Variants in LRP6 observed in about 807,000 individuals in gnomAD.
The protein encoded by LRP6 is LDL receptor related protein 6.
LRP6 carries 43 observed loss-of-function variants against 184.1 expected under a neutral mutation model. The observed-to-expected ratio is 0.23, with a 90% CI of 0.18 to 0.30. The LOEUF (loss-of-function observed/expected upper bound fraction) is 0.30. Ranked by LOEUF, LRP6 falls within the 10% of genes least tolerant of loss-of-function variation. The pLI, the probability that LRP6 is intolerant of heterozygous loss-of-function variation, is 1.00. For synonymous variants in LRP6, 719 were observed against 684.9 expected, an observed-to-expected ratio of 1.05 and a Z score of -0.78; for missense variants, 1,571 against 2,005.3, an observed-to-expected ratio of 0.78 and a Z score of 4.14.
intron 2 of LRP6, among the ~76,000 whole-genome samples, chr12:12,223,972 A>G (rs956556774): frequency 2.0e-5 from 3 of 152,172 alleles, no homozygotes; most frequent in Admixed American, 6.5e-5. Flanking sequence ...ATATGAAGCA[A>G]TATTATCAAC....
At chr12:12,142,087 T>C (rs1054878333) in intron 15 of LRP6, among the ~76,000 whole-genome samples, 7 of 152,182 alleles carry the variant, frequency 4.6e-5, no homozygotes, top group Admixed American at 1.3e-4. Flanking sequence ...AAGTTTATTT[T>C]AAAATAAGTG....
At chr12:12,234,531 A>G (rs758127267) in intron 2 of LRP6, among the ~76,000 whole-genome samples, 5 of 151,984 alleles carry the variant, frequency 3.3e-5, no homozygotes, top group Non-Finnish European at 7.4e-5. Flanking sequence ...AAAGAAGATT[A>G]TAAGAATATA....
intron 2 of LRP6, among the ~76,000 whole-genome samples, chr12:12,205,946 G>A (rs1864045975): frequency 6.6e-6 from 1 of 152,294 alleles, no homozygotes; most frequent in Admixed American, 6.5e-5. Flanking sequence ...GTATAAAATG[G>A]TGGTCCTATA....
In LRP6 at chr12:12,164,574, A is replaced by C. The variant is rs765694194; in HGVS notation, c.1763-12T>G. On this transcript the variant is annotated splice_polypyrimidine_tract_variant and intron_variant, in intron 8 of 22. Transcript: ENST00000261349. Reference sequence around the variant, plus strand: ...ACAGGGGTTGGAACCTAAAAGATTAATTATAAAAGGGGCACAGAAGGACAC... The same window carrying C: ...ACAGGGGTTGGAACCTAAAAGATTACTTATAAAAGGGGCACAGAAGGACAC... 3 of 1,613,806 alleles carry C rather than the reference A, an allele frequency of 1.9e-6. No homozygotes were observed. The highest frequency in any genetic ancestry group is 2.5e-6 in the Non-Finnish European group (3 of 1,179,778).
chr12:12,232,433 C>G (rs891320396), intron 2 of LRP6, among the ~76,000 whole-genome samples: 4 of 150,500 alleles, frequency 2.7e-5, no homozygotes, highest in African/African-American at 7.3e-5. Flanking sequence ...TTCCAGTGAA[C>G]TTGGCAAAAG....
intron 15 of LRP6, among the ~76,000 whole-genome samples, chr12:12,141,163 A>C (rs1057138149): frequency 6.6e-6 from 1 of 151,758 alleles, no homozygotes; most frequent in Non-Finnish European, 1.5e-5. Context: ...GGGGAAAAGA[A>C]GGGAATGATG....
At chr12:12,180,014 AG>A in intron 6 of LRP6, 33 bp from the exon 7 acceptor site, 5 of 1,561,092 alleles carry the variant, frequency 3.2e-6, no homozygotes, top group Non-Finnish European at 4.4e-6. Flanking sequence ...AGCTAAAAAT[AG>A]ATAATAAAAT....
chr12:12,202,757 G>T (rs1451278472), intron 3 of LRP6, among the ~76,000 whole-genome samples: 2 of 152,116 alleles, frequency 1.3e-5, no homozygotes, highest in Admixed American at 6.6e-5. Context: ...CAGGACTTGG[G>T]GCTTTACTGG....
At chr12:12,171,052 A>T (rs1217742206) in intron 7 of LRP6, among the ~76,000 whole-genome samples, 1 of 152,174 alleles carries the variant, frequency 6.6e-6, no homozygotes, top group Non-Finnish European at 1.5e-5. Context: ...GCTGCAGTCT[A>T]GATCAGCCAT....
intron 11 of LRP6, 133 bp from the exon 12 acceptor site, chr12:12,159,288 G>T: frequency 1.4e-6 from 1 of 702,216 alleles, no homozygotes; most frequent in South Asian, 1.7e-5. Flanking sequence ...ATTTAAAATA[G>T]AAAAATTCAT....
At chr12:12,198,460 T>C (rs1863825788) in intron 3 of LRP6, among the ~76,000 whole-genome samples, 1 of 151,828 alleles carries the variant, frequency 6.6e-6, no homozygotes, top group South Asian at 2.1e-4. Flanking sequence ...GTGTCCCTTC[T>C]AGTTTTCTTT....
chr12:12,171,497 G>T (rs1273149374), intron 7 of LRP6, among the ~76,000 whole-genome samples: 6 of 151,422 alleles, frequency 4.0e-5, no homozygotes, highest in African/African-American at 1.5e-4. Flanking sequence ...ACTCCAGCCT[G>T]GGCGACAGAG....
intron 22 of LRP6, among the ~76,000 whole-genome samples, chr12:12,124,259 G>A (rs949422064): frequency 2.0e-5 from 3 of 152,164 alleles, no homozygotes; most frequent in Admixed American, 2.0e-4. Context: ...TGTAATCCCA[G>A]CTATTTGAGA....
chr12:12,121,625 T>C (rs901240806), intron 22 of LRP6, among the ~76,000 whole-genome samples: 1 of 152,138 alleles, frequency 6.6e-6, no homozygotes, highest in African/African-American at 2.4e-5. Context: ...AATAAGAAAG[T>C]GGCAAGTGAA....
intron 17 of LRP6, among the ~76,000 whole-genome samples, chr12:12,134,653 T>C (rs1949807258): frequency 6.6e-6 from 1 of 152,170 alleles, no homozygotes; most frequent in Non-Finnish European, 1.5e-5. Flanking sequence ...ATCAGACACA[T>C]TCCCAACAAT....
At chr12:12,152,262 A>G (rs1351802887) in intron 12 of LRP6, among the ~76,000 whole-genome samples, 1 of 152,184 alleles carries the variant, frequency 6.6e-6, no homozygotes, top group Admixed American at 6.5e-5. Context: ...CTCCCCAGCC[A>G]TGTGGAACTG....
At chr12:12,151,126 T>A in intron 12 of LRP6, 88 bp from the exon 13 acceptor site, 9 of 1,170,120 alleles carry the variant, frequency 7.7e-6, no homozygotes, top group Non-Finnish European at 1.1e-5. Context: ...TGTATGTATT[T>A]CATACAAAAC....
chr12:12,262,384 C>G, intron 1 of LRP6, among the ~76,000 whole-genome samples: 1 of 151,106 alleles, frequency 6.6e-6, no homozygotes, highest in Middle Eastern at 3.4e-3. Context: ...GTCTCAAAAA[C>G]CAAAAAAATA....
intron 2 of LRP6, among the ~76,000 whole-genome samples, chr12:12,211,654 T>C (rs1182795226): frequency 6.6e-6 from 1 of 152,218 alleles, no homozygotes; most frequent in Non-Finnish European, 1.5e-5. Context: ...TGCATCATCA[T>C]GAAATTCTGA....
Sources: allele counts gnomAD v4.1 joint callset (sites outside exome capture counted in the v4.1 genomes callset), GRCh38; gene constraint gnomAD v4.1.1; transcripts MANE v1.5; gene names NCBI Gene and HGNC (gene_info 2026-07-23, HGNC 2026-07-21).